The following FBXO31 variants were observed in gnomAD, a reference collection of about 807,000 sequenced individuals.
The protein encoded by FBXO31 is F-box protein 31.
FBXO31 carries 24 observed loss-of-function variants against 54.4 expected under a neutral mutation model. The ratio of observed to expected loss-of-function variants is 0.44; its 90% CI spans 0.32 to 0.62. FBXO31 has a LOEUF of 0.62. Ranked by LOEUF, FBXO31 falls within the 20% of genes least tolerant of loss-of-function variation. The pLI is 0.05. For synonymous variants in FBXO31, 388 were observed against 335.6 expected (o/e 1.16, Z -1.71); for missense variants, 665 against 787.1 (o/e 0.84, Z 1.86).
chr16:87,327,415 T>G lies in FBXO31; in HGVS notation c.*3873A>C. 6.5e-6 allele frequency: 1 copy of G among 152,904 alleles called. No individual in the cohort carries two copies. Among genetic ancestry groups the G allele is most frequent in the Non-Finnish European group, 1.5e-5 (1 of 68,544 alleles). 9.5% of individuals were successfully genotyped at this position (152,904 alleles called of 1,614,324 possible). The stretch of plus-strand genomic sequence containing the variant: ...GCTCACGCCTGTAATCCCAGCACTT[T>G]GGGAGGCCGAGGCGGGTGGATCACC... On this transcript the variant is annotated 3_prime_UTR_variant, in exon 9 of 9. Transcript: ENST00000311635.
intron 1 of FBXO31, among the ~76,000 whole-genome samples, chr16:87,378,877 G>C (rs1408218956): frequency 1.3e-5 from 2 of 151,488 alleles, no homozygotes; most frequent in Non-Finnish European, 2.9e-5. Flanking sequence ...CAGGAGAATG[G>C]CGTGAACCCA....
chr16:87,353,235 T>C (rs1905743627), intron 2 of FBXO31, among the ~76,000 whole-genome samples: 1 of 152,030 alleles, frequency 6.6e-6, no homozygotes, highest in Non-Finnish European at 1.5e-5. Flanking sequence ...TCACTGTTAC[T>C]CCCACGGAGA....
chr16:87,347,253 A>G lies in FBXO31; in HGVS notation c.413-3T>C. ...AATGTGTCTATATCGGTGAAGCACTACAGGAGGAGAGAAAGAGCAAGTCTC... is the reference window on the plus strand; with the variant it reads ...AATGTGTCTATATCGGTGAAGCACTGCAGGAGGAGAGAAAGAGCAAGTCTC... On this transcript the variant is annotated splice_region_variant and splice_polypyrimidine_tract_variant and intron_variant, in intron 2 of 8. Coordinates refer to ENST00000311635, the MANE Select transcript of FBXO31 (RefSeq NM_024735.5). The G allele has an allele frequency of 6.2e-7, 1 of 1,613,906 alleles. No homozygotes were observed. Among genetic ancestry groups the G allele is most frequent in the African/African-American group, 1.3e-5 (1 of 75,040 alleles).
Position 87,335,560 on chromosome 16 carries a change from G to GC in FBXO31, c.843-104dup. ...AGCTTTGCAGGGCGGGGTAGGGCGG[G>GC]CAGCTCAGCTCAACCAGGGCCAGGT... On this transcript the variant is annotated intron_variant, in intron 6 of 8. Coordinates refer to ENST00000311635, the MANE Select transcript of FBXO31 (RefSeq NM_024735.5). The surrounding 1 kb of genome is among the most constrained non-coding windows in gnomAD (Gnocchi z 5.7). 156 of 441,878 alleles carry GC rather than the reference G, an allele frequency of 3.5e-4. No homozygotes were observed. Among genetic ancestry groups the GC allele is most frequent in the East Asian group, 6.5e-4 (10 of 15,476 alleles). 27.4% of individuals were successfully genotyped at this position (441,878 alleles called of 1,614,324 possible).
upstream of FBXO31, among the ~76,000 whole-genome samples, chr16:87,391,306 C>G (rs545019174): frequency 6.6e-6 from 1 of 152,224 alleles, no homozygotes; most frequent in South Asian, 2.1e-4. Context: ...GACCCTGTCT[C>G]AAAAAAACCC....
intron 1 of FBXO31, among the ~76,000 whole-genome samples, chr16:87,371,538 G>A (rs916629404): frequency 4.6e-5 from 7 of 152,230 alleles, no homozygotes; most frequent in Non-Finnish European, 8.8e-5. Context: ...CTGACGAGTC[G>A]TGGCTAATTC....
rs545278357 is a variant in FBXO31 at position 87,344,166 on chromosome 16, G to A, written c.490-401C>T. On this transcript the variant is annotated intron_variant, in intron 3 of 8. Transcript: ENST00000311635. ...CTGGGCAACAGGCAACACAAGGACCGTGTGCCACTTTTGTCAGGTGTGGCA... is the reference window on the plus strand; with the variant it reads ...CTGGGCAACAGGCAACACAAGGACCATGTGCCACTTTTGTCAGGTGTGGCA... Among the ~76,000 whole-genome samples, 5 of 152,378 alleles carry A rather than the reference G, an allele frequency of 3.3e-5. No individual in the cohort carries two copies. The East Asian group carries it at 7.7e-4, about 23-fold the overall frequency.
chr16:87,367,383 T>A (rs1396949408), intron 1 of FBXO31: 1 of 152,170 alleles, frequency 6.6e-6, no homozygotes, highest in Admixed American at 6.6e-5. Flanking sequence ...CTGCTCTCAC[T>A]GAGCCGAGCT....
chr16:87,331,626 A>C (rs746354896), intron 8 of FBXO31, 116 bp from the exon 9 acceptor site: 1 of 875,998 alleles, frequency 1.1e-6, no homozygotes, highest in African/African-American at 1.7e-5. Flanking sequence ...ACTGTTCATC[A>C]GCCAGAAGCT....
intron 2 of FBXO31, 127 bp from the exon 3 acceptor site, chr16:87,347,377 A>G: frequency 1.3e-6 from 1 of 771,068 alleles, no homozygotes; most frequent in Non-Finnish European, 2.3e-6. Flanking sequence ...CTCCAAACAC[A>G]TGCACACCAA....
intron 2 of FBXO31, among the ~76,000 whole-genome samples, chr16:87,357,580 G>C (rs183788861): frequency 1.3e-5 from 2 of 151,798 alleles, no homozygotes; most frequent in Non-Finnish European, 2.9e-5. Context: ...CACCTGCCTC[G>C]GCCTCCCAAA....
rs1242685043 is a variant in FBXO31 at position 87,334,199 on chromosome 16, T to G, written c.1084A>C (p.Asn362His). 1 of 1,612,676 alleles carries G rather than the reference T, an allele frequency of 6.2e-7. No individual in the cohort carries two copies. The highest frequency in any genetic ancestry group is 8.5e-7 in the Non-Finnish European group (1 of 1,179,654). The change falls in exon 8 of 9, where the codon AAC becomes CAC. Residue 362 changes from asparagine to histidine, a missense_variant. Physicochemically the swap from Asn to His is moderately conservative, Grantham distance 68 (BLOSUM62 1). This residue lies in a region of FBXO31 where 165 missense variants were observed against 159.7 expected (regional missense o/e 1.03). Transcript: ENST00000311635. ...IQLPDLENQR[N>H]FNELSRIVLE... ...ACGATGCGGGAGAGCTCATTGAAGT[T>G]GCGCTGGTTCTCGAGGTCGGGCAGC... is the stretch of plus-strand genomic sequence containing the variant.
At chr16:87,340,395 T>A (rs902274051) in intron 5 of FBXO31, among the ~76,000 whole-genome samples, 4 of 152,202 alleles carry the variant, frequency 2.6e-5, no homozygotes, top group African/African-American at 7.2e-5. Context: ...CAGGGTAACC[T>A]AGGACAAAAG....
At chr16:87,355,698 C>CGCTA (rs1905861088) in intron 2 of FBXO31, among the ~76,000 whole-genome samples, 1 of 152,182 alleles carries the variant, frequency 6.6e-6, no homozygotes, top group African/African-American at 2.4e-5. Context: ...AAGCAACTGG[C>CGCTA]GCTACATCAC....
intron 1 of FBXO31, among the ~76,000 whole-genome samples, chr16:87,369,038 C>G (rs1906485529): frequency 6.6e-6 from 1 of 152,158 alleles, no homozygotes. Flanking sequence ...ATCTGCCTGC[C>G]TCGGCCTCCC....
At chr16:87,360,994 A>T (rs145705340) in intron 1 of FBXO31, among the ~76,000 whole-genome samples, 278 of 152,090 alleles carry the variant, frequency 1.8e-3, no homozygotes, top group African/African-American at 6.4e-3. Context: ...CCACCCCACC[A>T]CAGCTGCACT....
chr16:87,335,551 G>GT lies in FBXO31; in HGVS notation c.843-95dup. On this transcript the variant is annotated intron_variant, in intron 6 of 8. Coordinates refer to ENST00000311635, the MANE Select transcript of FBXO31 (RefSeq NM_024735.5). The surrounding 1 kb of genome is among the most constrained non-coding windows in gnomAD (Gnocchi z 5.7). Reference sequence around the variant, plus strand: ...CCAGGGATGAGCTTTGCAGGGCGGGGTAGGGCGGGCAGCTCAGCTCAACCA... The same window carrying GT: ...CCAGGGATGAGCTTTGCAGGGCGGGGTTAGGGCGGGCAGCTCAGCTCAACCA... 1.1e-4 allele frequency: 49 copies of GT among 443,942 alleles called. No individual in the cohort carries two copies. Among genetic ancestry groups the GT allele is most frequent in the Non-Finnish European group, 1.9e-4 (44 of 232,012 alleles). 27.5% of individuals were successfully genotyped at this position (443,942 alleles called of 1,614,324 possible).
Position 87,345,383 on chromosome 16 carries a change from GCCATGCAGACT to G in FBXO31, c.490-1629_490-1619del, listed in dbSNP as rs1905342458. On this transcript the variant is annotated intron_variant, in intron 3 of 8. Transcript: ENST00000311635. The surrounding 1 kb of genome is among the most constrained non-coding windows in gnomAD (Gnocchi z 4.9). ...AAGAGGGTGGGAGGGCGGACCGGAAGCCATGCAGACTCCATGCAGACACTGGCACCACGCAG... is the reference window on the plus strand; with the variant it reads ...AAGAGGGTGGGAGGGCGGACCGGAAGCCATGCAGACACTGGCACCACGCAG... Among the ~76,000 whole-genome samples the G allele has an allele frequency of 1.3e-5, 2 of 151,916 alleles. No homozygotes were observed. Among genetic ancestry groups the G allele is most frequent in the African/African-American group, 4.8e-5 (2 of 41,324 alleles).
rs1045433184 is a variant in FBXO31, at chr16:87,345,905, A to T, written c.489+1269T>A. The stretch of plus-strand genomic sequence containing the variant: ...CACAGGAGCCAGGACTACCGCCGCC[A>T]AACGCCAAAGATGGCAACCAGAGAA... On this transcript the variant is annotated intron_variant, in intron 3 of 8. Coordinates refer to ENST00000311635, the MANE Select transcript of FBXO31 (RefSeq NM_024735.5). This position sits in a 1 kb window ranked among gnomAD's most constrained non-coding sequence, Gnocchi z 4.9. 6.6e-6 allele frequency among the ~76,000 whole-genome samples: 1 copy of T among 152,210 alleles called. No individual in the cohort carries two copies.
Sources: allele counts gnomAD v4.1 joint callset (sites outside exome capture counted in the v4.1 genomes callset), GRCh38; gene constraint gnomAD v4.1.1; regional missense constraint gnomAD v4.1.1; non-coding constraint Gnocchi (gnomAD v3.1); transcripts MANE v1.5; gene names NCBI Gene and HGNC (gene_info 2026-07-23, HGNC 2026-07-21).